The following ATXN1 variants were observed in gnomAD, a reference collection of about 807,000 sequenced individuals.
ATXN1 encodes ataxin 1.
ATXN1 carries 8 observed loss-of-function variants against 56.4 expected under a neutral mutation model. That is an observed-to-expected ratio of 0.14 (90% CI 0.08 to 0.26). The LOEUF is 0.26. Among genes scored for constraint, ATXN1 ranks in the 10% least tolerant of loss-of-function variants. The probability of loss-of-function intolerance (pLI) is 1.00; values close to 1 mark genes in which losing one functional copy is unlikely to be tolerated. For missense variants in ATXN1, 987 were observed against 1,106.5 expected, an observed-to-expected ratio of 0.89 and a Z score of 1.53; for synonymous variants, 514 against 494.6, an observed-to-expected ratio of 1.04 and a Z score of -0.52.
chr6:16,471,188 T>C (rs778373694), intron 6 of ATXN1, among the ~76,000 whole-genome samples: 1 of 126,868 alleles, frequency 7.9e-6, no homozygotes, highest in Non-Finnish European at 1.6e-5. Flanking sequence ...TTCTGGCAAT[T>C]AAAACACACA....
chr6:16,436,864 T>C (rs940029278), intron 6 of ATXN1, among the ~76,000 whole-genome samples: 14 of 152,092 alleles, frequency 9.2e-5, no homozygotes, highest in African/African-American at 3.4e-4. Flanking sequence ...GGCTGTTGCA[T>C]GGAGGAGATA....
intron 3 of ATXN1, among the ~76,000 whole-genome samples, chr6:16,591,809 C>G (rs1280263765): frequency 1.3e-5 from 2 of 152,004 alleles, no homozygotes; most frequent in Non-Finnish European, 2.9e-5. Flanking sequence ...ACTCTTATGA[C>G]TATGGTGAAA....
chr6:16,377,241 G>A (rs368187712), intron 6 of ATXN1, among the ~76,000 whole-genome samples: 6 of 152,082 alleles, frequency 3.9e-5, no homozygotes, highest in South Asian at 2.1e-4. Flanking sequence ...ATAAGTTTAC[G>A]GTATTTTGCT....
intron 6 of ATXN1, among the ~76,000 whole-genome samples, chr6:16,467,545 C>T (rs943063465): frequency 1.3e-5 from 2 of 152,160 alleles, no homozygotes; most frequent in African/African-American, 4.8e-5. Flanking sequence ...ATCCCAGTGA[C>T]AGTATTTTTA....
chr6:16,452,756 CACA>C (rs1334097047), intron 6 of ATXN1, among the ~76,000 whole-genome samples: 3 of 152,174 alleles, frequency 2.0e-5, no homozygotes, highest in East Asian at 1.9e-4. Context: ...CTCATTCCAC[CACA>C]ACAAGTTTTA....
chr6:16,354,054 T>C (rs569299436), intron 6 of ATXN1, among the ~76,000 whole-genome samples: 1 of 152,258 alleles, frequency 6.6e-6, no homozygotes, highest in East Asian at 1.9e-4. Context: ...TTTTGAAAAG[T>C]CTTGCCGGTC....
intron 6 of ATXN1, among the ~76,000 whole-genome samples, chr6:16,417,131 A>C (rs1758926775): frequency 6.6e-6 from 1 of 152,198 alleles, no homozygotes; most frequent in Non-Finnish European, 1.5e-5. Flanking sequence ...TGCTGGGCTC[A>C]AGTGATTCTC....
chr6:16,591,844 T>A (rs1261055864), intron 3 of ATXN1, among the ~76,000 whole-genome samples: 1 of 119,872 alleles, frequency 8.3e-6, no homozygotes, highest in Non-Finnish European at 2.0e-5. Context: ...GATTTCAACT[T>A]AAAGGTTAAA....
intron 6 of ATXN1, among the ~76,000 whole-genome samples, chr6:16,385,311 G>C (rs1030633925): frequency 2.0e-5 from 3 of 152,228 alleles, no homozygotes; most frequent in African/African-American, 7.2e-5. Flanking sequence ...TCTGGTCATA[G>C]AGTAGAAGAT....
chr6:16,658,705 G>GT (rs879587514), intron 2 of ATXN1, among the ~76,000 whole-genome samples: 7 of 152,154 alleles, frequency 4.6e-5, no homozygotes, highest in Non-Finnish European at 1.0e-4. Flanking sequence ...CCCACTGTTT[G>GT]TTTTTTGACA....
chr6:16,606,888 T>TGTGTG (rs145108851), intron 3 of ATXN1, among the ~76,000 whole-genome samples: 16 of 147,020 alleles, frequency 1.1e-4, no homozygotes, highest in South Asian at 2.2e-4. Flanking sequence ...TGTGTGTGTG[T>TGTGTG]TGTTTGTTTG....
chr6:16,366,674 G>A (rs529403295), intron 6 of ATXN1, among the ~76,000 whole-genome samples: 23 of 151,686 alleles, frequency 1.5e-4, no homozygotes, highest in South Asian at 4.2e-4. Flanking sequence ...CCAGCTACTC[G>A]GGAGGCTGAG....
chr6:16,466,208 G>A (rs978695416), intron 6 of ATXN1, among the ~76,000 whole-genome samples: 5 of 151,320 alleles, frequency 3.3e-5, no homozygotes, highest in Non-Finnish European at 7.4e-5. Flanking sequence ...CCAGCTACTA[G>A]GGAGGCTGAG....
chr6:16,726,448 T>G (rs1342422335), intron 2 of ATXN1, among the ~76,000 whole-genome samples: 1 of 151,578 alleles, frequency 6.6e-6, no homozygotes, highest in African/African-American at 2.4e-5. Flanking sequence ...TTCATATGTA[T>G]AATATCTTAG....
At position 16,501,979 on chromosome 6, in the gene ATXN1, A is replaced by T. The variant is rs147706459; in HGVS notation, c.-298-15870T>A. On this transcript the variant is annotated intron_variant, in intron 5 of 7. Transcript: ENST00000436367. ...CCTATTTCTCCACAGCCTCGCCAGCATCTATTAGGAAACTGGAAGAATTCT... is the reference window on the plus strand; with the variant it reads ...CCTATTTCTCCACAGCCTCGCCAGCTTCTATTAGGAAACTGGAAGAATTCT... Among the ~76,000 whole-genome samples, 32 of 152,304 alleles carry T rather than the reference A, an allele frequency of 2.1e-4. No homozygotes were observed. In the East Asian group the frequency reaches 6.2e-3, roughly 29 times the overall value.
chr6:16,334,667 T>C (rs566708565), intron 6 of ATXN1, among the ~76,000 whole-genome samples: 2 of 152,214 alleles, frequency 1.3e-5, no homozygotes, highest in South Asian at 2.1e-4. Flanking sequence ...CAGTGAGCCA[T>C]GATTGCTCCA....
chr6:16,340,463 C>G (rs1309181400), intron 6 of ATXN1, among the ~76,000 whole-genome samples: 2 of 152,190 alleles, frequency 1.3e-5, no homozygotes, highest in Non-Finnish European at 2.9e-5. Context: ...GCAACAGAAG[C>G]CCCATGTCTG....
chr6:16,472,666 C>A (rs1760242405), intron 6 of ATXN1, among the ~76,000 whole-genome samples: 1 of 152,126 alleles, frequency 6.6e-6, no homozygotes, highest in South Asian at 2.1e-4. Flanking sequence ...ATAAAAATGT[C>A]AAAAATGCTT....
intron 3 of ATXN1, among the ~76,000 whole-genome samples, chr6:16,656,118 C>A (rs1311121513): frequency 6.6e-6 from 1 of 151,352 alleles, no homozygotes; most frequent in Non-Finnish European, 1.5e-5. Flanking sequence ...AAATTATTTA[C>A]TGCAGATGCT....
Sources: allele counts gnomAD v4.1 joint callset (sites outside exome capture counted in the v4.1 genomes callset), GRCh38; gene constraint gnomAD v4.1.1; transcripts MANE v1.5; gene names NCBI Gene and HGNC (gene_info 2026-07-23, HGNC 2026-07-21).